Variants in EIF4G3 observed in about 807,000 individuals in gnomAD.
EIF4G3 encodes the protein eukaryotic translation initiation factor 4 gamma 3, also known as eIF-4-gamma 3.
A neutral mutation model predicts 186.4 loss-of-function variants in EIF4G3; 34 were observed. The observed-to-expected ratio is 0.18, with a 90% CI of 0.14 to 0.24. The LOEUF (loss-of-function observed/expected upper bound fraction) is 0.24. Among genes scored for constraint, EIF4G3 ranks in the 10% least tolerant of loss-of-function variants. The pLI is 1.00. For missense variants in EIF4G3, 1,536 were observed against 1,948.5 expected (o/e 0.79, Z 3.99); for synonymous variants, 673 against 679.5 (o/e 0.99, Z 0.15).
chr1:20,883,007 A>T (rs2082890251), intron 19 of EIF4G3, among the ~76,000 whole-genome samples: 1 of 151,878 alleles, frequency 6.6e-6, no homozygotes, highest in Admixed American at 6.6e-5. Context: ...GCTTGAGCCC[A>T]GCAGGTCAAG....
intron 14 of EIF4G3, among the ~76,000 whole-genome samples, chr1:20,938,396 C>A (rs973895235): frequency 1.3e-5 from 2 of 152,164 alleles, no homozygotes; most frequent in African/African-American, 4.8e-5. Flanking sequence ...TATGTTATAA[C>A]TTTACTGCTT....
intron 7 of EIF4G3, among the ~76,000 whole-genome samples, chr1:20,992,386 C>T (rs753894642): frequency 6.6e-6 from 1 of 152,098 alleles, no homozygotes; most frequent in Non-Finnish European, 1.5e-5. Context: ...GTAAAGAAAC[C>T]TTTAGGGATC....
intron 30 of EIF4G3, among the ~76,000 whole-genome samples, chr1:20,831,419 C>T (rs997245418): frequency 1.3e-5 from 2 of 151,572 alleles, no homozygotes; most frequent in African/African-American, 2.4e-5. Context: ...CCAGAAAGGC[C>T]AGAAAGATCT....
intron 3 of EIF4G3, among the ~76,000 whole-genome samples, chr1:21,077,986 C>G (rs1001610003): frequency 6.6e-6 from 1 of 150,956 alleles, no homozygotes; most frequent in Admixed American, 6.6e-5. Context: ...CTAAGGAGAA[C>G]AGTATAAAGG....
At chr1:21,103,905 T>C (rs573128008) in intron 2 of EIF4G3, among the ~76,000 whole-genome samples, 1 of 152,302 alleles carries the variant, frequency 6.6e-6, no homozygotes, top group African/African-American at 2.4e-5. Context: ...GTATAGCAGT[T>C]TGTCCACAGA....
chr1:21,014,357 G>A (rs1018964504), intron 4 of EIF4G3, among the ~76,000 whole-genome samples: 1 of 152,164 alleles, frequency 6.6e-6, no homozygotes, highest in Non-Finnish European at 1.5e-5. Flanking sequence ...TGCATGTGCA[G>A]CTTTGTTAAA....
At chr1:21,152,798 G>A (rs1489335776) in intron 2 of EIF4G3, among the ~76,000 whole-genome samples, 1 of 152,114 alleles carries the variant, frequency 6.6e-6, no homozygotes, top group Admixed American at 6.6e-5. Flanking sequence ...AATAACCAAT[G>A]CATGATATTA....
intron 2 of EIF4G3, among the ~76,000 whole-genome samples, chr1:21,146,369 T>C (rs2097441789): frequency 6.6e-6 from 1 of 152,170 alleles, no homozygotes; most frequent in African/African-American, 2.4e-5. Context: ...TCTCAAAAAC[T>C]TTAAAGTACA....
intron 30 of EIF4G3, among the ~76,000 whole-genome samples, chr1:20,839,374 A>G (rs1053874944): frequency 7.2e-5 from 11 of 152,070 alleles, no homozygotes; most frequent in African/African-American, 1.9e-4. Context: ...GCCTCCCAAA[A>G]TACTGGGATT....
chr1:20,989,557 CAAAAAAAAAAA>C (rs71014142), intron 7 of EIF4G3, among the ~76,000 whole-genome samples: 4 of 34,700 alleles, frequency 1.2e-4, no homozygotes, highest in African/African-American at 3.5e-4. Flanking sequence ...AACTCCAACT[CAAAAAAAAAAA>C]AAAAAAAAAA....
intron 20 of EIF4G3, among the ~76,000 whole-genome samples, chr1:20,876,110 C>T (rs1194560639): frequency 6.7e-6 from 1 of 150,068 alleles, no homozygotes; most frequent in Non-Finnish European, 1.5e-5. Context: ...GTAGTCCCAG[C>T]TACTTGGGAG....
chr1:21,002,665 C>T, intron 5 of EIF4G3, 48 bp downstream of exon 5: 1 of 1,593,968 alleles, frequency 6.3e-7, no homozygotes, highest in Non-Finnish European at 8.5e-7. Flanking sequence ...ACTACACACA[C>T]AAACACAGGT....
intron 31 of EIF4G3, among the ~76,000 whole-genome samples, chr1:20,828,838 T>C (rs1046918555): frequency 6.6e-5 from 10 of 152,178 alleles, no homozygotes; most frequent in Admixed American, 1.3e-4. Context: ...ACTGCAATGA[T>C]AGACACAAAA....
At chr1:21,101,723 T>G (rs891298481) in intron 2 of EIF4G3, among the ~76,000 whole-genome samples, 6 of 151,972 alleles carry the variant, frequency 3.9e-5, no homozygotes, top group African/African-American at 1.4e-4. Context: ...GTGAAACTGA[T>G]CAAACAGCTA....
chr1:20,814,054 C>G (rs1029854033), intron 34 of EIF4G3, among the ~76,000 whole-genome samples: 4 of 142,776 alleles, frequency 2.8e-5, no homozygotes, highest in African/African-American at 1.0e-4. Context: ...TCAAGCGATT[C>G]TCCTGCCTCA....
chr1:21,143,996 T>A (rs1387626757), intron 2 of EIF4G3, among the ~76,000 whole-genome samples: 1 of 152,176 alleles, frequency 6.6e-6, no homozygotes, highest in African/African-American at 2.4e-5. Flanking sequence ...CAACTCCTGG[T>A]CTCAAGGTTC....
intron 14 of EIF4G3, among the ~76,000 whole-genome samples, chr1:20,926,695 A>AC (rs1553304489): frequency 1.3e-5 from 2 of 151,290 alleles, no homozygotes; most frequent in African/African-American, 4.8e-5. Context: ...AAAAAAAAAA[A>AC]CTACAATTTT....
At chr1:21,010,637 A>T (rs2086771612) in intron 4 of EIF4G3, among the ~76,000 whole-genome samples, 1 of 152,184 alleles carries the variant, frequency 6.6e-6, no homozygotes, top group Admixed American at 6.5e-5. Context: ...TAATCCTTAG[A>T]ATGTAAATAG....
At chr1:21,091,856 T>C (rs2096214692) in intron 2 of EIF4G3, among the ~76,000 whole-genome samples, 1 of 152,234 alleles carries the variant, frequency 6.6e-6, no homozygotes, top group Non-Finnish European at 1.5e-5. Flanking sequence ...TCCTGAGACT[T>C]TGCTGAAGTT....
Sources: gnomAD v4.1 joint callset for allele counts (sites outside exome capture counted in the v4.1 genomes callset) on GRCh38, gnomAD v4.1.1 for gene constraint, MANE v1.5 for transcripts, NCBI Gene and HGNC (gene_info 2026-07-23, HGNC 2026-07-21) for gene names.